MRPL47: variants seen among roughly 807,000 people sequenced by gnomAD.
MRPL47 encodes mitochondrial ribosomal protein L47.
A neutral mutation model predicts 34.0 loss-of-function variants in MRPL47; 31 were observed. The observed-to-expected ratio is 0.91, with a 90% CI of 0.68 to 1.23. MRPL47 has a LOEUF of 1.23. MRPL47 is among the 50% of genes most tolerant of loss of function. MRPL47 has a pLI of 0.00. For missense variants in MRPL47, 328 were observed against 285.8 expected, an observed-to-expected ratio of 1.15 and a Z score of -1.07; for synonymous variants, 106 against 101.6, an observed-to-expected ratio of 1.04 and a Z score of -0.26.
intron 2 of MRPL47, among the ~76,000 whole-genome samples, 160 bp downstream of exon 2, chr3:179,602,491 GT>G (rs1718948194): frequency 6.7e-6 from 1 of 149,770 alleles, no homozygotes; most frequent in South Asian, 2.1e-4. Context: ...CTATTATATT[GT>G]CCCTTTAATT....
intron 6 of MRPL47, among the ~76,000 whole-genome samples, chr3:179,590,252 T>C (rs752982099): frequency 6.6e-6 from 1 of 151,200 alleles, no homozygotes; most frequent in Non-Finnish European, 1.5e-5. Context: ...GGCAGGAGAA[T>C]CGCTAGAACC....
At chr3:179,604,452 G>T in intron 1 of MRPL47, 75 bp downstream of exon 1, 1 of 1,392,280 alleles carries the variant, frequency 7.2e-7, no homozygotes, top group Non-Finnish European at 1.0e-6. Context: ...GTTGTTCTCG[G>T]CATCTCGGCA....
In MRPL47 at chr3:179,592,648, GA is replaced by G. The variant is rs1356676401; in HGVS notation, c.624del (p.Leu209SerfsTer18). On this transcript the variant is annotated frameshift_variant, in exon 6 of 7. Coordinates refer to ENST00000476781, the MANE Select transcript of MRPL47 (RefSeq NM_020409.3). LOFTEE classifies it high-confidence loss of function. ...RFFALPYVDH[F>X]LRLEREKRAR... The stretch of plus-strand genomic sequence containing the variant: ...ATTAAAGGTGCTTGTGCTCACCTGA[GA>G]AAATGGTCCACATAAGGCAAGGCAA... 1.2e-6 allele frequency: 2 copies of G among 1,602,338 alleles called. No homozygotes were observed. Among genetic ancestry groups the G allele is most frequent in the South Asian group, 2.2e-5 (2 of 90,834 alleles).
At position 179,588,807 on chromosome 3, in the gene MRPL47, A is replaced by G. The variant is rs1193564128; in HGVS notation, c.*65T>C. The G allele has an allele frequency of 3.5e-6, 5 of 1,445,610 alleles. No homozygotes were observed. The highest frequency in any genetic ancestry group is 2.3e-5 in the East Asian group (1 of 43,464). The allele number at this position is 1,445,610 out of a possible 1,614,324, so 89.5% of individuals were successfully genotyped here. A position where few individuals can be genotyped will look rare whatever the true frequency, so the allele number is the denominator to read the frequency against. ...AGAATTTCTTTATAAACCACTTAACATATTTACTCCTGTACACAGACTATT... is the reference window on the plus strand; with the variant it reads ...AGAATTTCTTTATAAACCACTTAACGTATTTACTCCTGTACACAGACTATT... On this transcript the variant is annotated 3_prime_UTR_variant, in exon 7 of 7. Transcript: ENST00000476781.
In MRPL47 at chr3:179,588,875, G is replaced by T; in HGVS notation, c.750C>A (p.Val250=). The T allele has an allele frequency of 1.2e-6, 2 of 1,613,020 alleles. No homozygotes were observed. Among genetic ancestry groups the T allele is most frequent in the Non-Finnish European group, 1.7e-6 (2 of 1,179,544 alleles). The part of the protein sequence containing the change: ...HLAEAQKSSL[V] ...TAAATTTAATAGTTCAGACATCTTA[G>T]ACAAGACTTGACTTTTGGGCTTCAG... The change falls in exon 7 of 7, where the codon GTC becomes GTA. Residue 250 remains valine (V), a synonymous_variant. Coordinates refer to ENST00000476781, the MANE Select transcript of MRPL47 (RefSeq NM_020409.3).
Position 179,602,813 on chromosome 3 carries a change from C to T in MRPL47, c.99-16G>A, listed in dbSNP as rs200534840. On this transcript the variant is annotated splice_polypyrimidine_tract_variant and intron_variant, in intron 1 of 6. Coordinates refer to ENST00000476781, the MANE Select transcript of MRPL47 (RefSeq NM_020409.3). ...AAGAAAAAACCTGCAATTGAACACA[C>T]ATAAACAAGTAAAAGTTTTATAATA... is the stretch of plus-strand genomic sequence containing the variant. 38 of 1,573,518 alleles carry T rather than the reference C, an allele frequency of 2.4e-5. No homozygotes were observed. In the African/African-American group the frequency reaches 4.4e-4, roughly 18 times the overall value.
In MRPL47 at chr3:179,602,704, T is replaced by C. The variant is rs761417368; in HGVS notation, c.192A>G (p.Leu64=). ...LLHTTLSRKG[L]EEFFDDPKNW... is the part of the protein sequence containing the mutation. ...TTTTTGGGTCATCAAAAAATTCTTC[T>C]AGTCCTTTCCTTGACAATGTGGTAT... The change falls in exon 2 of 7, where the codon CTA becomes CTG. Residue 64 remains leucine (L), a synonymous_variant. Coordinates refer to ENST00000476781, the MANE Select transcript of MRPL47 (RefSeq NM_020409.3). 15 of 1,612,714 alleles carry C rather than the reference T, an allele frequency of 9.3e-6. No individual in the cohort carries two copies. Among genetic ancestry groups the C allele is most frequent in the Middle Eastern group, 1.7e-4 (1 of 5,786 alleles).
intron 4 of MRPL47, among the ~76,000 whole-genome samples, chr3:179,594,810 A>C (rs1159803239): frequency 6.6e-6 from 1 of 152,004 alleles, no homozygotes; most frequent in African/African-American, 2.4e-5. Flanking sequence ...ATAAATATTC[A>C]TATGTTGGGG....
chr3:179,604,530 G>T lies in MRPL47; in HGVS notation c.95C>A (p.Thr32Lys), dbSNP rs557752356. The T allele has an allele frequency of 5.6e-6, 9 of 1,613,954 alleles. No individual in the cohort carries two copies. Among genetic ancestry groups the T allele is most frequent in the Non-Finnish European group, 7.6e-6 (9 of 1,179,830 alleles). The change falls in exon 1 of 7, where the codon ACA becomes AAA. Residue 32 changes from threonine to lysine, a missense_variant. Coordinates refer to ENST00000476781, the MANE Select transcript of MRPL47 (RefSeq NM_020409.3). ...SLITPQVPAC[T>K]GFFLSLLPKS... ...ACCTACTTTATACATCACTTACCCT[G>T]TGCAGGCAGGGACCTGAGGAGTTAT...
rs544162308 is a variant in MRPL47 at position 179,598,064 on chromosome 3, C to A, written c.402+611G>T. ...CTTAAAATGCTAAATATAGATTTAT[C>A]ATATAAGCCAGCAATTTCACTCCTA... On this transcript the variant is annotated intron_variant, in intron 4 of 6. Transcript: ENST00000476781. 2.0e-5 allele frequency among the ~76,000 whole-genome samples: 3 copies of A among 152,180 alleles called. No homozygotes were observed. The South Asian group carries it at 6.2e-4, about 32-fold the overall frequency.
intron 3 of MRPL47, among the ~76,000 whole-genome samples, chr3:179,601,250 G>A (rs1011841483): frequency 2.6e-5 from 4 of 151,874 alleles, no homozygotes; most frequent in Non-Finnish European, 4.4e-5. Flanking sequence ...TCCATAAAAC[G>A]CAAAAAAATT....
chr3:179,590,754 C>T (rs1050838224), intron 6 of MRPL47, among the ~76,000 whole-genome samples: 1 of 150,112 alleles, frequency 6.7e-6, no homozygotes, highest in Admixed American at 6.6e-5. Context: ...CTTGATTGGA[C>T]TGGAGTCAAG....
rs78410864 is a variant in MRPL47 at position 179,593,903 on chromosome 3, G to A, written c.403-8C>T. ...ATCCATGGAATCTACTACCTGAAAA[G>A]AGAATAGAAAGATACAATTTCAACA... On this transcript the variant is annotated splice_region_variant and splice_polypyrimidine_tract_variant and intron_variant, in intron 4 of 6. Transcript: ENST00000476781. 4,143 of 1,605,970 alleles carry A rather than the reference G, an allele frequency of 2.6e-3. 90 individuals are homozygous for A. In the African/African-American group the frequency reaches 0.048, roughly 19 times the overall value.
chr3:179,594,013 ACT>A (rs1718735709), intron 4 of MRPL47, 118 bp from the exon 5 acceptor site: 1 of 924,350 alleles, frequency 1.1e-6, no homozygotes, highest in South Asian at 1.7e-5. Context: ...CCAAAGAACC[ACT>A]CTGTTAAGTA....
chr3:179,600,825 G>A (rs1227688254), intron 3 of MRPL47, among the ~76,000 whole-genome samples: 2 of 152,070 alleles, frequency 1.3e-5, no homozygotes, highest in East Asian at 3.9e-4. Flanking sequence ...ATGCAGGGCC[G>A]GTGTTGCCAA....
intron 6 of MRPL47, among the ~76,000 whole-genome samples, chr3:179,591,589 T>G (rs1164995911): frequency 6.6e-6 from 1 of 152,180 alleles, no homozygotes; most frequent in African/African-American, 2.4e-5. Context: ...AGGAAATATT[T>G]GGAGATCAAC....
chr3:179,603,452 C>T (rs933974065), intron 1 of MRPL47, among the ~76,000 whole-genome samples: 20 of 152,066 alleles, frequency 1.3e-4, no homozygotes, highest in Non-Finnish European at 2.2e-4. Context: ...GGTGGGAGGA[C>T]GCTTTGAGCC....
intron 3 of MRPL47, among the ~76,000 whole-genome samples, chr3:179,601,361 T>C (rs1718921668): frequency 6.6e-6 from 1 of 152,220 alleles, no homozygotes; most frequent in African/African-American, 2.4e-5. Context: ...AAGCCGTTAC[T>C]GTACCACTGC....
intron 3 of MRPL47, among the ~76,000 whole-genome samples, chr3:179,600,308 TA>T (rs913227931): frequency 6.6e-6 from 1 of 152,160 alleles, no homozygotes; most frequent in African/African-American, 2.4e-5. Context: ...CACAATTCTT[TA>T]ATTTGTCATG....
Sources: allele counts gnomAD v4.1 joint callset (sites outside exome capture counted in the v4.1 genomes callset), GRCh38; gene constraint gnomAD v4.1.1; transcripts MANE v1.5; gene names NCBI Gene and HGNC (gene_info 2026-07-23, HGNC 2026-07-21).